Variants in UBE3C observed in about 807,000 individuals in gnomAD.
UBE3C encodes the protein ubiquitin-protein ligase E3C.
Under a neutral mutation model 129.4 loss-of-function variants are expected in UBE3C, and 42 were observed. The observed-to-expected ratio is 0.32, with a 90% CI of 0.25 to 0.42. The LOEUF (loss-of-function observed/expected upper bound fraction) is 0.42, where lower values mean the gene tolerates loss of function less well. Among genes scored for constraint, UBE3C ranks in the 10% least tolerant of loss-of-function variants. UBE3C has a pLI of 1.00. For synonymous variants in UBE3C, 510 were observed against 492.4 expected, an observed-to-expected ratio of 1.04 and a Z score of -0.47; for missense variants, 1,049 against 1,319.1, an observed-to-expected ratio of 0.80 and a Z score of 3.17.
chr7:157,172,885 G>A (rs753307702), intron 4 of UBE3C, among the ~76,000 whole-genome samples: 40 of 152,170 alleles, frequency 2.6e-4, no homozygotes, highest in Non-Finnish European at 5.0e-4. Flanking sequence ...TTTGAGTGAG[G>A]TCCTCAATCT....
intron 11 of UBE3C, among the ~76,000 whole-genome samples, chr7:157,204,286 C>T (rs1809369437): frequency 6.6e-6 from 1 of 150,756 alleles, no homozygotes; most frequent in Admixed American, 6.7e-5. Context: ...CTAGGACTTA[C>T]AGCTTTAGTG....
At chr7:157,232,408 G>A (rs1796045604) in intron 18 of UBE3C, among the ~76,000 whole-genome samples, 1 of 152,162 alleles carries the variant, frequency 6.6e-6, no homozygotes, top group South Asian at 2.1e-4. Flanking sequence ...GCCCAGGCTG[G>A]AGTGCTGTGG....
chr7:157,182,585 A>G (rs1808696130), intron 8 of UBE3C, among the ~76,000 whole-genome samples: 1 of 152,182 alleles, frequency 6.6e-6, no homozygotes, highest in Non-Finnish European at 1.5e-5. Context: ...TAAATGGGAA[A>G]GCTCTTCTGT....
chr7:157,213,320 T>C (rs1809650005), intron 13 of UBE3C, among the ~76,000 whole-genome samples: 1 of 152,256 alleles, frequency 6.6e-6, no homozygotes, highest in Non-Finnish European at 1.5e-5. Flanking sequence ...CGTAACTACC[T>C]ATCAGAGTCA....
intron 1 of UBE3C, among the ~76,000 whole-genome samples, chr7:157,144,041 C>G (rs1400982026): frequency 6.6e-6 from 1 of 152,090 alleles, no homozygotes; most frequent in African/African-American, 2.4e-5. Flanking sequence ...GACTGCGGAG[C>G]TGGGAAGAAT....
At chr7:157,140,052 A>T (rs1200056159) in intron 1 of UBE3C, 1 of 984,970 alleles carries the variant, frequency 1.0e-6, no homozygotes, top group Non-Finnish European at 1.2e-6. Context: ...GCAAACCATG[A>T]CGCCTCTGTT....
intron 18 of UBE3C, among the ~76,000 whole-genome samples, chr7:157,235,949 A>G (rs1356294781): frequency 1.3e-5 from 2 of 152,248 alleles, no homozygotes; most frequent in African/African-American, 2.4e-5. Flanking sequence ...CTTCAAGAGA[A>G]GAAAACTGTA....
At chr7:157,266,002 C>A (rs372376326) in intron 22 of UBE3C, among the ~76,000 whole-genome samples, 2 of 152,198 alleles carry the variant, frequency 1.3e-5, no homozygotes, top group East Asian at 3.8e-4. Flanking sequence ...CCCTCAATTT[C>A]GTCTTGTAAT....
At chr7:157,149,051 TA>T (rs1326104844) in intron 1 of UBE3C, among the ~76,000 whole-genome samples, 4 of 152,174 alleles carry the variant, frequency 2.6e-5, no homozygotes, top group African/African-American at 7.2e-5. Context: ...TAGATAAGGT[TA>T]AGAATTCTTT....
rs557766746 is a variant in UBE3C, at chr7:157,186,566, G to GT, written c.1144-261dup. On this transcript the variant is annotated intron_variant, in intron 9 of 22. Transcript: ENST00000348165. ...GTAAAAAAAAAAAGTAGGAAATGAA[G>GT]TTTTTTTGAAATGTAAATACTGAAG... 1.7e-3 allele frequency among the ~76,000 whole-genome samples: 266 copies of GT among 152,078 alleles called. 2 individuals carry two copies. The highest frequency in any genetic ancestry group is 6.1e-3 in the African/African-American group (255 of 41,488).
At chr7:157,143,379 GA>G (rs1807512150) in intron 1 of UBE3C, among the ~76,000 whole-genome samples, 1 of 152,146 alleles carries the variant, frequency 6.6e-6, no homozygotes, top group Non-Finnish European at 1.5e-5. Context: ...TTTATGAAAG[GA>G]TAGGCGTGTC....
chr7:157,167,757 C>T (rs1055748492), intron 2 of UBE3C, among the ~76,000 whole-genome samples: 11 of 151,688 alleles, frequency 7.3e-5, no homozygotes, highest in African/African-American at 2.4e-4. Context: ...AGGATGGTCT[C>T]GATCTCCTGA....
chr7:157,209,799 G>T (rs1490477595), intron 13 of UBE3C, among the ~76,000 whole-genome samples: 1 of 152,148 alleles, frequency 6.6e-6, no homozygotes, highest in Non-Finnish European at 1.5e-5. Context: ...ATTTTGTTTT[G>T]GTTAAGCGTT....
In UBE3C at chr7:157,235,052, G is replaced by A. The variant is rs546121058; in HGVS notation, c.2481+3725G>A. 1.8e-4 allele frequency among the ~76,000 whole-genome samples: 28 copies of A among 152,202 alleles called. 1 individual carries two copies. In the South Asian group the frequency reaches 5.8e-3, roughly 32 times the overall value. On this transcript the variant is annotated intron_variant, in intron 18 of 22. Coordinates refer to ENST00000348165, the MANE Select transcript of UBE3C (RefSeq NM_014671.3). ...ACTAAAAATACAAAATTAGCTGGGC[G>A]TGGTGGTGCATGCCTTTAATCCCAG...
At chr7:157,179,009 G>C (rs75002046) in intron 6 of UBE3C, among the ~76,000 whole-genome samples, 162 bp downstream of exon 6, 3,588 of 152,056 alleles carry the variant, frequency 0.024, 166 homozygotes, top group African/African-American at 0.082. Flanking sequence ...CAGAGTCCCA[G>C]ATTCCAAAAT....
At chr7:157,212,285 A>T (rs1387934158) in intron 13 of UBE3C, among the ~76,000 whole-genome samples, 1 of 152,116 alleles carries the variant, frequency 6.6e-6, no homozygotes, top group African/African-American at 2.4e-5. Flanking sequence ...AGATACTTTT[A>T]TTTTATGTTA....
At chr7:157,192,957 A>T (rs1586677805) in intron 10 of UBE3C, 1 of 605,688 alleles carries the variant, frequency 1.7e-6, no homozygotes, top group East Asian at 2.7e-5. Flanking sequence ...CATGAGGGAA[A>T]GTATGTTTTT....
chr7:157,158,050 CTT>C (rs60257662), intron 1 of UBE3C, among the ~76,000 whole-genome samples: 194 of 101,110 alleles, frequency 1.9e-3, no homozygotes, highest in African/African-American at 5.4e-3. Flanking sequence ...CTCTTTTTTC[CTT>C]TTTTTTTTTT....
intron 1 of UBE3C, among the ~76,000 whole-genome samples, chr7:157,147,511 C>CT (rs907594904): frequency 2.0e-5 from 3 of 151,660 alleles, no homozygotes; most frequent in Non-Finnish European, 2.9e-5. Flanking sequence ...ATCTGTATGC[C>CT]TTTTTTTTCT....
Sources: allele counts gnomAD v4.1 joint callset (sites outside exome capture counted in the v4.1 genomes callset), GRCh38; gene constraint gnomAD v4.1.1; transcripts MANE v1.5; gene names NCBI Gene and HGNC (gene_info 2026-07-23, HGNC 2026-07-21).